The following OPCML variants were observed in gnomAD, a reference collection of about 807,000 sequenced individuals.
The protein encoded by OPCML is opioid binding protein/cell adhesion molecule like, also known as opioid-binding protein/cell adhesion molecule.
OPCML carries 13 observed loss-of-function variants against 37.8 expected under a neutral mutation model. That is an observed-to-expected ratio of 0.34 (90% CI 0.22 to 0.55). The LOEUF (loss-of-function observed/expected upper bound fraction) is 0.55. Among genes scored for constraint, OPCML ranks in the 20% least tolerant of loss-of-function variants. The probability of loss-of-function intolerance (pLI) is 0.91; values close to 1 mark genes in which losing one functional copy is unlikely to be tolerated. For missense variants in OPCML, 341 were observed against 435.6 expected (o/e 0.78, Z 1.93); for synonymous variants, 176 against 168.8 (o/e 1.04, Z -0.33).
intron 1 of OPCML, among the ~76,000 whole-genome samples, chr11:133,342,249 A>G (rs1365929983): frequency 6.6e-6 from 1 of 152,140 alleles, no homozygotes; most frequent in Non-Finnish European, 1.5e-5. Flanking sequence ...ACACACTAGA[A>G]ATAGCTGTGC....
rs191511701 is a variant in OPCML at position 132,422,826 on chromosome 11, G to T, written c.917-2533C>A. Among the ~76,000 whole-genome samples the T allele has an allele frequency of 3.3e-3, 503 of 152,306 alleles. 3 individuals are homozygous for T. The highest frequency in any genetic ancestry group is 0.011 in the African/African-American group (472 of 41,578). On this transcript the variant is annotated intron_variant, in intron 7 of 7. Transcript: ENST00000524381. ...AGTCTACTTCCTCTCTGTAGAAAATGACCATTTGTGCAGGTTTTCCAGGGA... is the reference window on the plus strand; with the variant it reads ...AGTCTACTTCCTCTCTGTAGAAAATTACCATTTGTGCAGGTTTTCCAGGGA...
intron 4 of OPCML, among the ~76,000 whole-genome samples, chr11:132,479,972 C>T (rs1018031375): frequency 2.6e-5 from 4 of 152,206 alleles, no homozygotes; most frequent in Admixed American, 2.6e-4. Context: ...CTCTCCTCCT[C>T]CAAAGGAACG....
At chr11:133,203,670 G>A (rs115641996) in intron 1 of OPCML, among the ~76,000 whole-genome samples, 215 of 152,330 alleles carry the variant, frequency 1.4e-3, no homozygotes, top group African/African-American at 4.9e-3. Context: ...GATTGGTGAA[G>A]TCCATGGTAA....
At chr11:133,071,265 TC>T (rs1948527774) in intron 1 of OPCML, among the ~76,000 whole-genome samples, 1 of 152,112 alleles carries the variant, frequency 6.6e-6, no homozygotes. Flanking sequence ...AGAAATGACA[TC>T]CGTGTCTGTG....
chr11:133,448,353 C>T (rs1376373216), intron 1 of OPCML, among the ~76,000 whole-genome samples: 3 of 152,172 alleles, frequency 2.0e-5, no homozygotes, highest in Non-Finnish European at 4.4e-5. Flanking sequence ...ATAAATAACA[C>T]GTTGGGCATT....
intron 1 of OPCML, among the ~76,000 whole-genome samples, chr11:133,108,884 C>G (rs1038571178): frequency 6.6e-6 from 1 of 152,150 alleles, no homozygotes; most frequent in Non-Finnish European, 1.5e-5. Context: ...ACGGAGTGCC[C>G]GCTGAATACG....
chr11:133,057,085 C>A (rs975838160), intron 1 of OPCML, among the ~76,000 whole-genome samples: 1 of 152,196 alleles, frequency 6.6e-6, no homozygotes, highest in Non-Finnish European at 1.5e-5. Flanking sequence ...CTCAGGTTAT[C>A]CACCCGCCTT....
At chr11:133,010,712 G>A (rs1425358834) in intron 1 of OPCML, among the ~76,000 whole-genome samples, 1 of 152,166 alleles carries the variant, frequency 6.6e-6, no homozygotes, top group Non-Finnish European at 1.5e-5. Flanking sequence ...GAAGCCAAGT[G>A]AAATAGTAAA....
intron 1 of OPCML, among the ~76,000 whole-genome samples, chr11:133,161,188 G>A (rs906584743): frequency 2.6e-5 from 4 of 152,186 alleles, no homozygotes; most frequent in Admixed American, 1.3e-4. Context: ...AGGGGAAGTT[G>A]GAGGCAGCCA....
intron 1 of OPCML, chr11:133,422,845 A>C (rs1192406734): frequency 2.2e-6 from 2 of 927,716 alleles, no homozygotes; most frequent in Non-Finnish European, 2.6e-6. Context: ...CCAAATAATT[A>C]AAATCCTGAT....
intron 1 of OPCML, among the ~76,000 whole-genome samples, chr11:133,150,750 T>C (rs7130004): frequency 0.4 from 61,162 of 151,744 alleles, 14,436 homozygotes; most frequent in African/African-American, 0.67. Flanking sequence ...CCTGCAGGAA[T>C]CTCTCTAATG....
At chr11:132,731,717 T>C (rs1300146959) in intron 2 of OPCML, among the ~76,000 whole-genome samples, 1 of 152,182 alleles carries the variant, frequency 6.6e-6, no homozygotes, top group African/African-American at 2.4e-5. Context: ...CTGTTAACGA[T>C]TTTTGAGTTG....
At chr11:133,207,011 G>A (rs745896972) in intron 1 of OPCML, among the ~76,000 whole-genome samples, 88 of 151,944 alleles carry the variant, frequency 5.8e-4, no homozygotes, top group Non-Finnish European at 1.2e-3. Flanking sequence ...CTAAGAGCCG[G>A]GCGCGGTGGC....
At chr11:133,253,292 A>G (rs1941203135) in intron 1 of OPCML, among the ~76,000 whole-genome samples, 1 of 152,124 alleles carries the variant, frequency 6.6e-6, no homozygotes. Context: ...AGTTTCACAT[A>G]GTCAGTGCAA....
Position 133,125,203 on chromosome 11 carries a change from G to T in OPCML, c.62-182193C>A, listed in dbSNP as rs188155587. Among the ~76,000 whole-genome samples the T allele has an allele frequency of 4.7e-3, 722 of 152,142 alleles. 3 individuals carry two copies. Among genetic ancestry groups the T allele is most frequent in the Middle Eastern group, 0.014 (4 of 294 alleles). On this transcript the variant is annotated intron_variant, in intron 1 of 7. Coordinates refer to ENST00000524381, the MANE Select transcript of OPCML (RefSeq NM_001012393.5). The stretch of plus-strand genomic sequence containing the variant: ...TTAAACTACCCCAGGAAGTTGAGGA[G>T]GTCACTTTATTATATAGACTTGCAT...
intron 2 of OPCML, among the ~76,000 whole-genome samples, chr11:132,766,370 C>T (rs896648297): frequency 5.3e-5 from 8 of 152,172 alleles, no homozygotes; most frequent in Non-Finnish European, 8.8e-5. Context: ...AGAATCCTGG[C>T]AGATACTTCC....
chr11:132,529,272 A>G (rs1285826921), intron 3 of OPCML, 86 bp from the exon 4 acceptor site: 3 of 1,462,690 alleles, frequency 2.1e-6, no homozygotes, highest in African/African-American at 2.9e-5. Context: ...TTTGTATAGC[A>G]TGTTTTTATA....
chr11:132,556,188 C>T (rs1052246252), intron 3 of OPCML, among the ~76,000 whole-genome samples: 2 of 152,186 alleles, frequency 1.3e-5, no homozygotes, highest in African/African-American at 2.4e-5. Flanking sequence ...AGCAATCCTC[C>T]TGCCTTGGCC....
chr11:133,030,831 A>G (rs58629044), intron 1 of OPCML, among the ~76,000 whole-genome samples: 1 of 152,074 alleles, frequency 6.6e-6, no homozygotes, highest in Non-Finnish European at 1.5e-5. Flanking sequence ...TCACCCTACC[A>G]AGAAGGGGAA....
Sources: gnomAD v4.1 joint callset for allele counts (sites outside exome capture counted in the v4.1 genomes callset) on GRCh38, gnomAD v4.1.1 for gene constraint, MANE v1.5 for transcripts, NCBI Gene and HGNC (gene_info 2026-07-23, HGNC 2026-07-21) for gene names.